Variants in LRRIQ1 observed in about 807,000 individuals in gnomAD.
LRRIQ1 encodes leucine rich repeats and IQ motif containing 1.
Under a neutral mutation model 211.9 loss-of-function variants are expected in LRRIQ1, and 210 were observed. The ratio of observed to expected loss-of-function variants is 0.99; its 90% CI spans 0.89 to 1.11. LRRIQ1 has a LOEUF of 1.11. Among genes scored for constraint, LRRIQ1 ranks in the 50% most tolerant of loss-of-function variants. LRRIQ1 has a pLI of 0.00. For missense variants in LRRIQ1, 2,136 were observed against 1,939.5 expected, an observed-to-expected ratio of 1.10 and a Z score of -1.90; for synonymous variants, 699 against 650.1, an observed-to-expected ratio of 1.08 and a Z score of -1.14.
At chr12:85,188,549 G>A (rs1367731111) in intron 24 of LRRIQ1, among the ~76,000 whole-genome samples, 2 of 152,064 alleles carry the variant, frequency 1.3e-5, no homozygotes, top group Non-Finnish European at 2.9e-5. Context: ...TCTAAAATTT[G>A]CAGAGTACTC....
rs1038072781 is a variant in LRRIQ1 at position 85,036,376 on chromosome 12, A to G, written c.-56A>G. 1.3e-5 allele frequency: 2 copies of G among 152,180 alleles called. No homozygotes were observed. The highest frequency in any genetic ancestry group is 1.3e-4 in the Admixed American group (2 of 15,274). The allele number at this position is 152,180 out of a possible 1,614,324, so 9.4% of individuals were successfully genotyped here. On this transcript the variant is annotated 5_prime_UTR_variant, in exon 1 of 27. Coordinates refer to ENST00000393217, the MANE Select transcript of LRRIQ1 (RefSeq NM_001079910.2). ...GTGTAGCGGCTATGGGCGCTGTCTT[A>G]CAACAAAGCCAAGGAATCTCGCTGC...
At chr12:85,144,397 T>G (rs747404383) in intron 19 of LRRIQ1, among the ~76,000 whole-genome samples, 2 of 151,552 alleles carry the variant, frequency 1.3e-5, no homozygotes, top group African/African-American at 2.4e-5. Context: ...AATAAGATAT[T>G]GAAAATTACT....
chr12:85,127,475 A>G (rs1280488542), intron 17 of LRRIQ1, among the ~76,000 whole-genome samples: 1 of 152,162 alleles, frequency 6.6e-6, no homozygotes, highest in Non-Finnish European at 1.5e-5. Context: ...TTGCCAAGTA[A>G]ACATTGGCTC....
intron 25 of LRRIQ1, among the ~76,000 whole-genome samples, chr12:85,231,636 A>G (rs977895774): frequency 6.6e-6 from 1 of 152,128 alleles, no homozygotes; most frequent in Non-Finnish European, 1.5e-5. Flanking sequence ...GGTGGAAGGT[A>G]AATGGGGAAA....
intron 24 of LRRIQ1, among the ~76,000 whole-genome samples, chr12:85,161,396 C>A (rs1890868149): frequency 6.7e-6 from 1 of 149,546 alleles, no homozygotes; most frequent in Admixed American, 6.6e-5. Flanking sequence ...AATTGTACTA[C>A]TTTTTTAGTA....
intron 23 of LRRIQ1, among the ~76,000 whole-genome samples, chr12:85,160,162 A>G (rs897412568): frequency 1.3e-5 from 2 of 152,122 alleles, no homozygotes; most frequent in East Asian, 1.9e-4. Flanking sequence ...TTCACAATCT[A>G]TTTTTTGTAA....
chr12:85,210,002 A>G (rs1893759175), intron 24 of LRRIQ1, among the ~76,000 whole-genome samples: 1 of 152,138 alleles, frequency 6.6e-6, no homozygotes, highest in African/African-American at 2.4e-5. Context: ...ACATTTTAAA[A>G]TGTTCTTAAT....
rs373063056 is a variant in LRRIQ1 at position 85,037,378 on chromosome 12, T to TA, written c.-24-765dup. Among the ~76,000 whole-genome samples the TA allele has an allele frequency of 2.0e-3, 301 of 149,636 alleles. 1 individual carries two copies. Among genetic ancestry groups the TA allele is most frequent in the East Asian group, 4.1e-3 (21 of 5,142 alleles). Reference sequence around the variant, plus strand: ...ACCCGTGCATTTTGCTTTGTAGGCATAAAAAAAAAATCTAGCTTTCCTTCT... The same window carrying TA: ...ACCCGTGCATTTTGCTTTGTAGGCATAAAAAAAAAAATCTAGCTTTCCTTCT... On this transcript the variant is annotated intron_variant, in intron 1 of 26. Coordinates refer to ENST00000393217, the MANE Select transcript of LRRIQ1 (RefSeq NM_001079910.2).
At chr12:85,129,607 C>T (rs1160500551) in intron 18 of LRRIQ1, among the ~76,000 whole-genome samples, 1 of 152,030 alleles carries the variant, frequency 6.6e-6, no homozygotes. Flanking sequence ...CTTAGCCATT[C>T]GATATCTGTG....
In LRRIQ1 at chr12:85,224,823, G is replaced by A. The variant is rs2896960; in HGVS notation, c.4823-4694G>A. 7.0e-3 allele frequency among the ~76,000 whole-genome samples: 1,063 copies of A among 151,992 alleles called. 8 individuals carry two copies. Among genetic ancestry groups the A allele is most frequent in the African/African-American group, 0.025 (1,016 of 41,434 alleles). ...TGGGTGCAGTAAACTACCATGGCAC[G>A]TGTATAGTTATATAACAAAACTGCA... is the stretch of plus-strand genomic sequence containing the variant. On this transcript the variant is annotated intron_variant, in intron 24 of 26. Transcript: ENST00000393217.
At chr12:85,049,767 A>G (rs1441557900) in intron 6 of LRRIQ1, among the ~76,000 whole-genome samples, 1 of 152,128 alleles carries the variant, frequency 6.6e-6, no homozygotes, top group Non-Finnish European at 1.5e-5. Context: ...ACTGAATGAA[A>G]CTGTTCTTGA....
At chr12:85,148,794 C>G (rs977225015) in intron 19 of LRRIQ1, among the ~76,000 whole-genome samples, 8 of 152,118 alleles carry the variant, frequency 5.3e-5, no homozygotes, top group African/African-American at 1.9e-4. Context: ...TATTTCTCCA[C>G]AGCCTCACCA....
In LRRIQ1 at chr12:85,165,370, C is replaced by T. The variant is rs192960979; in HGVS notation, c.4822+4656C>T. Among the ~76,000 whole-genome samples, 43 of 151,720 alleles carry T rather than the reference C, an allele frequency of 2.8e-4. 1 individual carries two copies. Among genetic ancestry groups the T allele is most frequent in the Admixed American group, 2.4e-3 (37 of 15,234 alleles). On this transcript the variant is annotated intron_variant, in intron 24 of 26. Transcript: ENST00000393217. ...ATGTGTACCTGATGTTTAGCTCCCACTTATAAGTGAGAACATGCGGTATTT... is the reference window on the plus strand; with the variant it reads ...ATGTGTACCTGATGTTTAGCTCCCATTTATAAGTGAGAACATGCGGTATTT...
chr12:85,055,329 T>G (rs543981162), intron 7 of LRRIQ1, among the ~76,000 whole-genome samples: 1 of 152,242 alleles, frequency 6.6e-6, no homozygotes, highest in East Asian at 1.9e-4. Context: ...AGAATACATG[T>G]AACATTAGAG....
intron 24 of LRRIQ1, among the ~76,000 whole-genome samples, chr12:85,175,838 G>A (rs1371822659): frequency 6.6e-6 from 1 of 152,076 alleles, no homozygotes; most frequent in Non-Finnish European, 1.5e-5. Flanking sequence ...TTATTTCTGA[G>A]GGCTCTGTTC....
chr12:85,057,636 C>T (rs574103748), intron 8 of LRRIQ1, among the ~76,000 whole-genome samples: 10 of 152,058 alleles, frequency 6.6e-5, no homozygotes, highest in South Asian at 2.1e-4. Flanking sequence ...GATAGAAGAC[C>T]CTGAAGACCC....
At chr12:85,165,024 T>C (rs1891080849) in intron 24 of LRRIQ1, among the ~76,000 whole-genome samples, 2 of 152,306 alleles carry the variant, frequency 1.3e-5, no homozygotes, top group Non-Finnish European at 2.9e-5. Context: ...GAAGATTTGA[T>C]TTGTGACCTA....
intron 11 of LRRIQ1, among the ~76,000 whole-genome samples, chr12:85,078,108 GT>G (rs2136142662): frequency 6.6e-6 from 1 of 152,156 alleles, no homozygotes; most frequent in East Asian, 1.9e-4. Flanking sequence ...TGTTTAATCA[GT>G]TGTGAATAGA....
At chr12:85,148,537 A>G (rs971736035) in intron 19 of LRRIQ1, among the ~76,000 whole-genome samples, 1 of 151,836 alleles carries the variant, frequency 6.6e-6, no homozygotes, top group African/African-American at 2.4e-5. Flanking sequence ...TCTTTTCTTT[A>G]TCTAGTCTAT....
Sources: gnomAD v4.1 joint callset for allele counts (sites outside exome capture counted in the v4.1 genomes callset) on GRCh38, gnomAD v4.1.1 for gene constraint, MANE v1.5 for transcripts, NCBI Gene and HGNC (gene_info 2026-07-23, HGNC 2026-07-21) for gene names.